Variants in RRBP1 observed in about 807,000 individuals in gnomAD.
RRBP1 encodes the protein ribosome-binding protein 1.
Under a neutral mutation model 165.2 loss-of-function variants are expected in RRBP1, and 94 were observed. The ratio of observed to expected loss-of-function variants is 0.57; its 90% CI spans 0.48 to 0.68. The LOEUF (loss-of-function observed/expected upper bound fraction) is 0.68, where lower values mean the gene tolerates loss of function less well. Ranked by LOEUF, RRBP1 falls within the 30% of genes least tolerant of loss-of-function variation. RRBP1 has a pLI of 0.00. For missense variants in RRBP1, 1,676 were observed against 1,763.0 expected (o/e 0.95, Z 0.88); for synonymous variants, 680 against 714.5 (o/e 0.95, Z 0.77).
At chr20:17,622,653 GA>G (rs887954319) in intron 13 of RRBP1, among the ~76,000 whole-genome samples, 1 of 152,042 alleles carries the variant, frequency 6.6e-6, no homozygotes, top group African/African-American at 2.4e-5. Flanking sequence ...GCACAACAAA[GA>G]TAAGGAAACA....
chr20:17,615,351 G>C, intron 23 of RRBP1, 80 bp downstream of exon 23: 1 of 1,164,838 alleles, frequency 8.6e-7, no homozygotes, highest in Non-Finnish European at 1.2e-6. Context: ...TCCCCTTCCT[G>C]GCCCCTTTCC....
At chr20:17,618,756 G>T in intron 19 of RRBP1, 77 bp from the exon 20 acceptor site, 1 of 1,152,876 alleles carries the variant, frequency 8.7e-7, no homozygotes, top group Non-Finnish European at 1.3e-6. Flanking sequence ...AGTTAGCGCC[G>T]AAACATAAAA....
chr20:17,619,711 C>G lies in RRBP1; in HGVS notation c.3597G>C (p.Ser1199=). Residue 1199 remains serine, a synonymous_variant, in exon 19 of 25, where the codon TCG becomes TCC. Coordinates refer to ENST00000377813, the MANE Select transcript of RRBP1 (RefSeq NM_001365613.2). The part of the protein sequence containing the change: ...ESSDQVREHT[S]HLEAELEKHM... Reference sequence around the variant, plus strand: ...GCTTTTCCAGCTCTGCCTCCAAATGCGACGTGTGCTCCCTCACCTGGACAG... The same window carrying G: ...GCTTTTCCAGCTCTGCCTCCAAATGGGACGTGTGCTCCCTCACCTGGACAG... 6.2e-7 allele frequency: 1 copy of G among 1,612,572 alleles called. No individual in the cohort carries two copies. Among genetic ancestry groups the G allele is most frequent in the Non-Finnish European group, 8.5e-7 (1 of 1,179,608 alleles).
At chr20:17,619,774 GC>G (rs1337776702) in intron 18 of RRBP1, 46 bp from the exon 19 acceptor site, 2 of 1,410,572 alleles carry the variant, frequency 1.4e-6, no homozygotes, top group Admixed American at 3.9e-5. Context: ...AGCAGCCTCT[GC>G]TCAAAGGGCA....
At chr20:17,663,181 G>A (rs555324083) in intron 2 of RRBP1, among the ~76,000 whole-genome samples, 2 of 152,282 alleles carry the variant, frequency 1.3e-5, no homozygotes, top group East Asian at 1.9e-4. Flanking sequence ...GTTGCAGACC[G>A]TGACACAGTG....
At chr20:17,630,414 G>C (rs973512691) in intron 8 of RRBP1, among the ~76,000 whole-genome samples, 6 of 152,228 alleles carry the variant, frequency 3.9e-5, no homozygotes, top group Admixed American at 6.5e-5. Flanking sequence ...CTATAGGGCA[G>C]TGCTCTTAGT....
chr20:17,680,970 G>C (rs1310061992), intron 1 of RRBP1, among the ~76,000 whole-genome samples: 1 of 152,120 alleles, frequency 6.6e-6, no homozygotes, highest in African/African-American at 2.4e-5. Context: ...CGCCAGCCGG[G>C]GCACTCTAGA....
intron 13 of RRBP1, among the ~76,000 whole-genome samples, chr20:17,623,743 C>A (rs2035958596): frequency 6.6e-6 from 1 of 152,160 alleles, no homozygotes; most frequent in Non-Finnish European, 1.5e-5. Context: ...ACCAACCAAG[C>A]CAACATGGCA....
intron 8 of RRBP1, among the ~76,000 whole-genome samples, chr20:17,632,320 G>A (rs903246735): frequency 1.3e-5 from 2 of 152,170 alleles, no homozygotes; most frequent in Non-Finnish European, 2.9e-5. Context: ...TCGTAGGAAT[G>A]ACACGTGATG....
intron 11 of RRBP1, among the ~76,000 whole-genome samples, chr20:17,626,620 C>A (rs937755429): frequency 6.6e-6 from 1 of 152,178 alleles, no homozygotes; most frequent in Non-Finnish European, 1.5e-5. Context: ...ATGCCTCCCC[C>A]ACCTACTGCT....
intron 23 of RRBP1, among the ~76,000 whole-genome samples, chr20:17,615,193 C>T (rs978124410): frequency 3.9e-5 from 6 of 152,234 alleles, no homozygotes; most frequent in Non-Finnish European, 8.8e-5. Flanking sequence ...ACGCACTTCA[C>T]GTTCTACATG....
chr20:17,658,950 T>C lies in RRBP1; in HGVS notation c.1558A>G (p.Lys520Glu), dbSNP rs1220025471. The C allele has an allele frequency of 3.7e-6, 6 of 1,612,814 alleles. No individual in the cohort carries two copies. Among genetic ancestry groups the C allele is most frequent in the Non-Finnish European group, 4.2e-6 (5 of 1,179,846 alleles). ...QKGEGAQNQG[K>E]KTEGAQGKKA... ...TTGCCCTGAGCCCCTTCTGTCTTTTTACCCTGATTCTGGGCTCCCTCTCCT... is the reference window on the plus strand; with the variant it reads ...TTGCCCTGAGCCCCTTCTGTCTTTTCACCCTGATTCTGGGCTCCCTCTCCT... The change falls in exon 3 of 25, where the codon AAA becomes GAA. Residue 520 changes from lysine (K) to glutamate (E), a missense_variant. This residue lies in a region of RRBP1 where 1,184 missense variants were observed against 1,167.1 expected (regional missense o/e 1.01). Coordinates refer to ENST00000377813, the MANE Select transcript of RRBP1 (RefSeq NM_001365613.2).
intron 6 of RRBP1, among the ~76,000 whole-genome samples, chr20:17,635,981 G>A (rs933621205): frequency 3.9e-5 from 6 of 152,210 alleles, no homozygotes; most frequent in African/African-American, 1.4e-4. Flanking sequence ...ATGGTTGACT[G>A]TTCTAAGACA....
chr20:17,636,244 A>G (rs1241613688), intron 6 of RRBP1, among the ~76,000 whole-genome samples: 1 of 152,248 alleles, frequency 6.6e-6, no homozygotes, highest in African/African-American at 2.4e-5. Context: ...GCGTTTCTCT[A>G]GGTTCACATG....
At chr20:17,660,946 G>C (rs991603017) in intron 2 of RRBP1, among the ~76,000 whole-genome samples, 8 of 151,562 alleles carry the variant, frequency 5.3e-5, no homozygotes, top group Admixed American at 2.0e-4. Context: ...CCTAAAATTA[G>C]ACAGTGACAC....
At chr20:17,629,406 T>C (rs2036101746) in intron 9 of RRBP1, among the ~76,000 whole-genome samples, 1 of 151,568 alleles carries the variant, frequency 6.6e-6, no homozygotes, top group Admixed American at 6.6e-5. Flanking sequence ...GCTGGGAGAG[T>C]AGAAAGGCCC....
intron 21 of RRBP1, among the ~76,000 whole-genome samples, chr20:17,616,367 G>A (rs1311959507): frequency 6.6e-6 from 1 of 152,214 alleles, no homozygotes; most frequent in Non-Finnish European, 1.5e-5. Flanking sequence ...TCAAAACTCT[G>A]GAGAGCGAAT....
chr20:17,624,595 A>C lies in RRBP1; in HGVS notation c.3128T>G (p.Leu1043Arg), dbSNP rs6034867. ...TAEQACKEKL[L>R]SLTQAKEESE... ...TCTGACCTTGGCCTGGGTCAGGGAG[A>C]GCAGCTTCTCCTTGCAGGCCTGCTC... Residue 1043 changes from leucine to arginine, a missense_variant, in exon 13 of 25, where the codon CTC becomes CGC. This residue lies in a region of RRBP1 where 1,184 missense variants were observed against 1,167.1 expected (regional missense o/e 1.01). Coordinates refer to ENST00000377813, the MANE Select transcript of RRBP1 (RefSeq NM_001365613.2). The C allele has an allele frequency of 6.3e-7, 1 of 1,592,674 alleles. No individual in the cohort carries two copies.
At chr20:17,615,868 C>A in intron 22 of RRBP1, 58 bp downstream of exon 22, 1 of 1,472,800 alleles carries the variant, frequency 6.8e-7, no homozygotes, top group Non-Finnish European at 9.4e-7. Flanking sequence ...CACTCATTCC[C>A]TGGAGACTCA....
Sources: gnomAD v4.1 joint callset for allele counts (sites outside exome capture counted in the v4.1 genomes callset) on GRCh38, gnomAD v4.1.1 for gene constraint, gnomAD v4.1.1 regional missense constraint, MANE v1.5 for transcripts, NCBI Gene and HGNC (gene_info 2026-07-23, HGNC 2026-07-21) for gene names.